MAP4K3: variants seen among roughly 807,000 people sequenced by gnomAD.
The protein encoded by MAP4K3 is MAPK/ERK kinase kinase kinase 3.
MAP4K3 carries 94 observed loss-of-function variants against 143.5 expected under a neutral mutation model. The observed-to-expected ratio is 0.65, with a 90% CI of 0.55 to 0.78. The LOEUF (loss-of-function observed/expected upper bound fraction) is 0.78. MAP4K3 is among the 30% of genes least tolerant of loss of function. The probability of loss-of-function intolerance (pLI) is 0.00; values close to 1 mark genes in which losing one functional copy is unlikely to be tolerated. For missense variants in MAP4K3, 1,077 were observed against 1,068.1 expected (o/e 1.01, Z -0.12); for synonymous variants, 416 against 347.2 (o/e 1.20, Z -2.20).
intron 19 of MAP4K3, among the ~76,000 whole-genome samples, chr2:39,289,668 G>A (rs1681948519): frequency 6.6e-6 from 1 of 152,100 alleles, no homozygotes; most frequent in Non-Finnish European, 1.5e-5. Flanking sequence ...TCAGGAATAG[G>A]TTGCAGATTT....
intron 15 of MAP4K3, among the ~76,000 whole-genome samples, chr2:39,307,473 T>A (rs891864869): frequency 6.6e-6 from 1 of 151,906 alleles, no homozygotes; most frequent in Non-Finnish European, 1.5e-5. Context: ...TCTTTAAAAA[T>A]TATATATGTA....
intron 13 of MAP4K3, 109 bp from the exon 14 acceptor site, chr2:39,309,628 G>A: frequency 1.7e-6 from 1 of 583,634 alleles, no homozygotes; most frequent in Admixed American, 4.0e-5. Context: ...CGCAATCTCA[G>A]CTCACTGCAA....
At chr2:39,337,720 G>T in intron 4 of MAP4K3, 139 bp from the exon 5 acceptor site, 46 of 253,768 alleles carry the variant, frequency 1.8e-4, no homozygotes, top group Non-Finnish European at 2.4e-4. Context: ...CTACAGGCAT[G>T]AATTACTACT....
chr2:39,342,621 A>G (rs1225856566), intron 4 of MAP4K3, among the ~76,000 whole-genome samples: 1 of 152,192 alleles, frequency 6.6e-6, no homozygotes, highest in African/African-American at 2.4e-5. Flanking sequence ...AAGAAGATAA[A>G]GTGAAATGAA....
In MAP4K3 at chr2:39,403,975, G is replaced by A. The variant is rs184911437; in HGVS notation, c.97-25852C>T. 2.0e-3 allele frequency among the ~76,000 whole-genome samples: 304 copies of A among 151,600 alleles called. 2 individuals are homozygous for A. The highest frequency in any genetic ancestry group is 8.2e-4 in the Non-Finnish European group (56 of 67,910). ...CAGATAATATTCTAGACACACCCTG[G>A]GCCAGAAAGGAACCAGCTGCCTTGA... is the stretch of plus-strand genomic sequence containing the variant. On this transcript the variant is annotated intron_variant, in intron 1 of 33. Transcript: ENST00000263881.
At chr2:39,297,521 A>G (rs968156256) in intron 16 of MAP4K3, among the ~76,000 whole-genome samples, 17 of 152,216 alleles carry the variant, frequency 1.1e-4, no homozygotes, top group Admixed American at 5.9e-4. Context: ...ACAAGCAAGT[A>G]TAAGTCAAAG....
chr2:39,415,981 AT>A (rs1378616934), intron 1 of MAP4K3, among the ~76,000 whole-genome samples: 751 of 13,314 alleles, frequency 0.056, 30 homozygotes, highest in South Asian at 0.085. Context: ...AAAAAAAAAA[AT>A]ATATATATAT....
chr2:39,307,969 T>C lies in MAP4K3; in HGVS notation c.1093A>G (p.Ile365Val). Residue 365 changes from isoleucine to valine, a missense_variant, in exon 15 of 34, where the codon ATA becomes GTA. Around this residue, in one of 2 missense-constraint regions of MAP4K3, gnomAD observed 864 missense variants for 801.2 expected, o/e 1.08. Transcript: ENST00000263881. ...SDGFLDSSEE[I>V]YYTARSNLDL... ...AGATTAGATCTTGCAGTGTAGTATA[T>C]TTCTTCTGAACTGTCCAAAAAACCA... 1.9e-6 allele frequency: 3 copies of C among 1,592,894 alleles called. No individual in the cohort carries two copies. The highest frequency in any genetic ancestry group is 2.6e-6 in the Non-Finnish European group (3 of 1,170,248).
intron 2 of MAP4K3, among the ~76,000 whole-genome samples, chr2:39,372,440 T>C (rs1274463140): frequency 3.4e-5 from 5 of 149,028 alleles, no homozygotes; most frequent in Non-Finnish European, 6.0e-5. Flanking sequence ...AAAATTATCC[T>C]AAAATTTTTA....
intron 1 of MAP4K3, among the ~76,000 whole-genome samples, chr2:39,382,115 G>C (rs1239926913): frequency 6.6e-6 from 1 of 152,184 alleles, no homozygotes; most frequent in African/African-American, 2.4e-5. Context: ...AGGCCATTCA[G>C]ATTTGAACTA....
intron 2 of MAP4K3, 72 bp downstream of exon 2, chr2:39,377,994 A>T: frequency 1.1e-6 from 1 of 889,526 alleles, no homozygotes; most frequent in Non-Finnish European, 1.8e-6. Context: ...TTAACCAAAC[A>T]TCATTAAAAT....
chr2:39,412,266 C>A (rs1372719914), intron 1 of MAP4K3, among the ~76,000 whole-genome samples: 2 of 152,204 alleles, frequency 1.3e-5, no homozygotes, highest in African/African-American at 4.8e-5. Context: ...CGCGCCACAC[C>A]TAGCTGCAGT....
chr2:39,325,330 T>G (rs1683451396), intron 12 of MAP4K3, among the ~76,000 whole-genome samples, 188 bp downstream of exon 12: 1 of 152,110 alleles, frequency 6.6e-6, no homozygotes, highest in African/African-American at 2.4e-5. Context: ...AAGTAGTCAG[T>G]AAGAAAAACC....
chr2:39,350,082 G>C (rs796634502), intron 3 of MAP4K3, among the ~76,000 whole-genome samples: 1 of 152,120 alleles, frequency 6.6e-6, no homozygotes, highest in African/African-American at 2.4e-5. Flanking sequence ...AGAGGACAGG[G>C]GTACTAATAT....
intron 1 of MAP4K3, among the ~76,000 whole-genome samples, chr2:39,390,399 CAG>C (rs1666620578): frequency 1.3e-5 from 2 of 151,980 alleles, no homozygotes; most frequent in African/African-American, 2.4e-5. Flanking sequence ...CTTTAAATCA[CAG>C]AGTCTTGGCT....
intron 31 of MAP4K3, 138 bp downstream of exon 31, chr2:39,258,210 G>A (rs1457648475): frequency 1.5e-6 from 1 of 681,030 alleles, no homozygotes; most frequent in East Asian, 2.9e-5. Flanking sequence ...GGGATTACAG[G>A]CATGAGCCAC....
At chr2:39,263,796 A>T (rs955813670) in intron 28 of MAP4K3, among the ~76,000 whole-genome samples, 1 of 152,070 alleles carries the variant, frequency 6.6e-6, no homozygotes, top group African/African-American at 2.4e-5. Flanking sequence ...GGTACCATCT[A>T]CCCGGAAAAG....
chr2:39,271,199 T>A (rs1337686449), intron 26 of MAP4K3, among the ~76,000 whole-genome samples: 3 of 152,182 alleles, frequency 2.0e-5, no homozygotes, highest in African/African-American at 7.2e-5. Flanking sequence ...GGTAAAATCA[T>A]ACCATATGGA....
At chr2:39,321,590 T>C (rs1351840238) in intron 12 of MAP4K3, among the ~76,000 whole-genome samples, 1 of 152,060 alleles carries the variant, frequency 6.6e-6, no homozygotes, top group African/African-American at 2.4e-5. Context: ...AAAGGGTCTG[T>C]AATGAGGAGG....
Sources: allele counts gnomAD v4.1 joint callset (sites outside exome capture counted in the v4.1 genomes callset), GRCh38; gene constraint gnomAD v4.1.1; regional missense constraint gnomAD v4.1.1; transcripts MANE v1.5; gene names NCBI Gene and HGNC (gene_info 2026-07-23, HGNC 2026-07-21).